Variants in IMPA2 observed in about 807,000 individuals in gnomAD.
IMPA2 encodes inositol monophosphatase 2.
In IMPA2, 32 loss-of-function variants were observed where a neutral mutation model predicts 35.1. The ratio of observed to expected loss-of-function variants is 0.91; its 90% CI spans 0.69 to 1.23. IMPA2 has a LOEUF of 1.23. IMPA2 is among the 50% of genes most tolerant of loss of function. The pLI, the probability that IMPA2 is intolerant of heterozygous loss-of-function variation, is 0.00. For synonymous variants in IMPA2, 135 were observed against 160.6 expected (o/e 0.84, Z 1.20); for missense variants, 334 against 387.6 (o/e 0.86, Z 1.16).
In IMPA2 at chr18:12,002,941, C is replaced by T. The variant is rs186117504; in HGVS notation, c.230+3754C>T. On this transcript the variant is annotated intron_variant, in intron 2 of 7. Transcript: ENST00000269159. Reference sequence around the variant, plus strand: ...GGCGCGGTGGTTTACACCTGTAATCCCTGCACTTTGGGAGGCCGAGGCGGG... The same window carrying T: ...GGCGCGGTGGTTTACACCTGTAATCTCTGCACTTTGGGAGGCCGAGGCGGG... Among the ~76,000 whole-genome samples, 470 of 151,710 alleles carry T rather than the reference C, an allele frequency of 3.1e-3. 7 individuals are homozygous for T. The East Asian group carries it at 0.04, about 13-fold the overall frequency.
chr18:11,981,669 G>C lies in IMPA2; in HGVS notation c.-1G>C, dbSNP rs1256002476. The C allele has an allele frequency of 8.1e-7, 1 of 1,229,540 alleles. No individual in the cohort carries two copies. Among genetic ancestry groups the C allele is most frequent in the Non-Finnish European group, 1.0e-6 (1 of 986,318 alleles). The allele number at this position is 1,229,540 out of a possible 1,614,324, so 76.2% of individuals were successfully genotyped here. A position where few individuals can be genotyped will look rare whatever the true frequency, so the allele number is the denominator to read the frequency against. On this transcript the variant is annotated 5_prime_UTR_variant, in exon 1 of 8. Coordinates refer to ENST00000269159, the MANE Select transcript of IMPA2 (RefSeq NM_014214.3). The stretch of plus-strand genomic sequence containing the variant: ...AGGTGGAGGGGCCCGGCGAGGCCGC[G>C]ATGAAGCCGAGCGGCGAGGACCAGG...
At chr18:12,027,159 C>T (rs527613192) in intron 5 of IMPA2, among the ~76,000 whole-genome samples, 3 of 152,260 alleles carry the variant, frequency 2.0e-5, no homozygotes, top group Non-Finnish European at 2.9e-5. Flanking sequence ...CTGTCCTGCC[C>T]GGGCAGTGAG....
At chr18:12,022,528 A>AAAATATATATATATATATATATATATAT (rs68185380) in intron 5 of IMPA2, among the ~76,000 whole-genome samples, 34 of 96,806 alleles carry the variant, frequency 3.5e-4, no homozygotes, top group African/African-American at 1.3e-3. Flanking sequence ...TCTCAAAAAG[A>AAAATATATATATATATATATATATATAT]ATATATATAT....
chr18:12,007,678 T>TCTTC (rs1907312599), intron 2 of IMPA2, among the ~76,000 whole-genome samples: 1 of 88,898 alleles, frequency 1.1e-5, no homozygotes, highest in Non-Finnish European at 2.3e-5. Flanking sequence ...TTTCTTTCTT[T>TCTTC]CCTTTCTTTC....
chr18:11,987,409 A>G (rs899728292), intron 1 of IMPA2, among the ~76,000 whole-genome samples: 1 of 151,968 alleles, frequency 6.6e-6, no homozygotes, highest in Non-Finnish European at 1.5e-5. Flanking sequence ...TGGCTCATCA[A>G]AACCTCTGCC....
intron 5 of IMPA2, among the ~76,000 whole-genome samples, chr18:12,021,239 A>T (rs118148419): frequency 0.024 from 3,652 of 152,244 alleles, 62 homozygotes; most frequent in South Asian, 0.059. Flanking sequence ...CAAAAAATTT[A>T]AAAATTAGCT....
intron 5 of IMPA2, among the ~76,000 whole-genome samples, chr18:12,024,893 G>T (rs557231728): frequency 6.6e-6 from 1 of 152,162 alleles, no homozygotes; most frequent in East Asian, 1.9e-4. Flanking sequence ...GTACAGAATG[G>T]TGCATTTGTT....
chr18:11,985,899 A>C (rs1462632227), intron 1 of IMPA2, among the ~76,000 whole-genome samples: 1 of 152,224 alleles, frequency 6.6e-6, no homozygotes, highest in African/African-American at 2.4e-5. Context: ...GCAAAGTCTG[A>C]TGGAAGGACA....
At chr18:12,006,415 T>C (rs781579315) in intron 2 of IMPA2, among the ~76,000 whole-genome samples, 4 of 152,210 alleles carry the variant, frequency 2.6e-5, no homozygotes, top group Non-Finnish European at 5.9e-5. Context: ...GAGCAAGGCG[T>C]GCAGTGTAGA....
chr18:11,998,940 C>CCCCA, intron 1 of IMPA2, 114 bp from the exon 2 acceptor site: 1 of 53,712 alleles, frequency 1.9e-5, no homozygotes. Flanking sequence ...CCCCCCCCCC[C>CCCCA]CCCCCCACCC....
intron 5 of IMPA2, among the ~76,000 whole-genome samples, chr18:12,022,297 C>T (rs1382368032): frequency 3.3e-5 from 5 of 151,556 alleles, no homozygotes; most frequent in African/African-American, 1.2e-4. Context: ...TTTGGGAGGC[C>T]GAGGTGGGTG....
chr18:12,030,021 C>G (rs1036244023), intron 7 of IMPA2, among the ~76,000 whole-genome samples: 13 of 152,246 alleles, frequency 8.5e-5, no homozygotes, highest in Non-Finnish European at 1.6e-4. Flanking sequence ...AAGGGCAGCT[C>G]CCCTGTTCGG....
intron 7 of IMPA2, among the ~76,000 whole-genome samples, chr18:12,029,668 G>A (rs1173350131): frequency 1.3e-5 from 2 of 151,934 alleles, no homozygotes; most frequent in Non-Finnish European, 1.5e-5. Flanking sequence ...TGATCCACTC[G>A]CCTCGGCCTC....
rs1306078820 is a variant in IMPA2 at position 12,010,084 on chromosome 18, A to G, written c.335+97A>G. On this transcript the variant is annotated intron_variant, in intron 3 of 7. Transcript: ENST00000269159. This position sits in a 1 kb window ranked among gnomAD's most constrained non-coding sequence, Gnocchi z 4.8. ...AAGCAGCATTTTTTAAGGCAGGAAT[A>G]TATAAACAAACCTATAGTACACTCA... 8.5e-6 allele frequency: 7 copies of G among 828,070 alleles called. No individual in the cohort carries two copies. The highest frequency in any genetic ancestry group is 1.0e-5 in the Non-Finnish European group (5 of 492,340). The allele number at this position is 828,070 out of a possible 1,614,324, so 51.3% of individuals were successfully genotyped here. A position where few individuals can be genotyped will look rare whatever the true frequency, so the allele number is the denominator to read the frequency against.
chr18:12,023,142 T>C (rs1454908136), intron 5 of IMPA2, among the ~76,000 whole-genome samples: 3 of 152,010 alleles, frequency 2.0e-5, no homozygotes, highest in Admixed American at 2.0e-4. Flanking sequence ...TTGGCAAGAA[T>C]GAGAAGGAAT....
intron 4 of IMPA2, among the ~76,000 whole-genome samples, chr18:12,013,094 T>C (rs1255195293): frequency 6.6e-6 from 1 of 152,166 alleles, no homozygotes; most frequent in East Asian, 1.9e-4. Flanking sequence ...AGGGGTTGAT[T>C]GATGTTCTGT....
intron 1 of IMPA2, among the ~76,000 whole-genome samples, chr18:11,983,431 C>G (rs1906564302): frequency 6.6e-6 from 1 of 152,112 alleles, no homozygotes; most frequent in East Asian, 1.9e-4. Flanking sequence ...CTGTGTAAAC[C>G]CTGGCGAGCT....
rs1042053345 is a variant in IMPA2, at chr18:11,991,299, G to C, written c.97-7755G>C. Among the ~76,000 whole-genome samples the C allele has an allele frequency of 9.9e-5, 15 of 152,128 alleles. No individual in the cohort carries two copies. The highest frequency in any genetic ancestry group is 3.6e-4 in the African/African-American group (15 of 41,444). ...GAGGGCGACTAGAGATCAAGGTGAG[G>C]GGAAAAATAGCCACGAGACTAAAGG... On this transcript the variant is annotated intron_variant, in intron 1 of 7. Coordinates refer to ENST00000269159, the MANE Select transcript of IMPA2 (RefSeq NM_014214.3). The surrounding 1 kb of genome is among the most constrained non-coding windows in gnomAD (Gnocchi z 4.1).
chr18:12,016,542 C>T (rs1231977043), intron 5 of IMPA2, among the ~76,000 whole-genome samples: 1 of 151,982 alleles, frequency 6.6e-6, no homozygotes, highest in Non-Finnish European at 1.5e-5. Flanking sequence ...TCTTCTGCCT[C>T]CCAAGCAGCT....
Sources: allele counts gnomAD v4.1 joint callset (sites outside exome capture counted in the v4.1 genomes callset), GRCh38; gene constraint gnomAD v4.1.1; non-coding constraint Gnocchi (gnomAD v3.1); transcripts MANE v1.5; gene names NCBI Gene and HGNC (gene_info 2026-07-23, HGNC 2026-07-21).